The following DICER1 variants were observed in gnomAD, a reference collection of about 807,000 sequenced individuals.
DICER1 encodes the protein endoribonuclease Dicer.
A neutral mutation model predicts 194.1 loss-of-function variants in DICER1; 43 were observed. The ratio of observed to expected loss-of-function variants is 0.22; its 90% confidence interval spans 0.17 to 0.29. The LOEUF (loss-of-function observed/expected upper bound fraction) is 0.29, where lower values mean the gene tolerates loss of function less well. Ranked by LOEUF, DICER1 falls within the 10% of genes least tolerant of loss-of-function variation. The pLI, the probability that DICER1 is intolerant of heterozygous loss-of-function variation, is 1.00. For missense variants in DICER1, 1,608 were observed against 2,317.0 expected, an observed-to-expected ratio of 0.69 and a Z score of 6.28; for synonymous variants, 832 against 820.5, an observed-to-expected ratio of 1.01 and a Z score of -0.24.
In DICER1 at chr14:95,088,861, C is replaced by G. The variant is rs1039792469; in HGVS notation, c.*1637G>C. The G allele has an allele frequency of 8.6e-6, 2 of 233,364 alleles. No homozygotes were observed. Among genetic ancestry groups the G allele is most frequent in the African/African-American group, 4.4e-5 (2 of 45,278 alleles). The allele number at this position is 233,364 out of a possible 1,614,324, so 14.5% of individuals were successfully genotyped here. On this transcript the variant is annotated 3_prime_UTR_variant, in exon 27 of 27. Coordinates refer to ENST00000343455, the MANE Select transcript of DICER1 (RefSeq NM_177438.3). ...AAATGTCACTTACATATAAATGCAG[C>G]ATTCCACGAAGCATCAAGTTCAGAA...
In DICER1 at chr14:95,117,758, A is replaced by C. The variant is rs192490028; in HGVS notation, c.1377-4T>G. On this transcript the variant is annotated splice_polypyrimidine_tract_variant and splice_region_variant and intron_variant, in intron 8 of 26. Coordinates refer to ENST00000343455, the MANE Select transcript of DICER1 (RefSeq NM_177438.3). ...TTTGCCAGCTTCCTTTATCAATCTA[A>C]GAAAATTATACACATTTGGAAGTTA... 5,297 of 1,613,702 alleles carry C rather than the reference A, an allele frequency of 3.3e-3. 21 individuals carry two copies. Among genetic ancestry groups the C allele is most frequent in the Middle Eastern group, 0.016 (98 of 6,060 alleles).
At chr14:95,113,743 G>A (rs185577361) in intron 11 of DICER1, among the ~76,000 whole-genome samples, 64 of 152,328 alleles carry the variant, frequency 4.2e-4, no homozygotes, top group African/African-American at 1.4e-3. Flanking sequence ...AACAGCACCA[G>A]GGAAGGTTGG....
At chr14:95,102,129 C>CTTTTA (rs1566764752) in intron 21 of DICER1, among the ~76,000 whole-genome samples, 3 of 152,042 alleles carry the variant, frequency 2.0e-5, no homozygotes, top group African/African-American at 7.2e-5. Flanking sequence ...TGTGCGTATA[C>CTTTTA]GGTTATCTTT....
At chr14:95,128,401 G>A (rs114208636) in intron 6 of DICER1, among the ~76,000 whole-genome samples, 1,965 of 152,170 alleles carry the variant, frequency 0.013, 34 homozygotes, top group African/African-American at 0.045. Context: ...GCACAAGCAC[G>A]GCCTTCTACT....
intron 1 of DICER1, among the ~76,000 whole-genome samples, chr14:95,156,495 C>T (rs1315540015): frequency 6.6e-6 from 1 of 152,242 alleles, no homozygotes; most frequent in Admixed American, 6.5e-5. Flanking sequence ...GGTTTGCTGG[C>T]TCTGACCTCC....
At chr14:95,141,084 G>GA (rs1049889333) in intron 1 of DICER1, 1 of 151,920 alleles carries the variant, frequency 6.6e-6, no homozygotes, top group Non-Finnish European at 1.5e-5. Context: ...ATAGAAAAAT[G>GA]AAAAAAATAG....
At chr14:95,090,991 T>C (rs373128565) in intron 26 of DICER1, 43 bp downstream of exon 26, 3 of 1,533,150 alleles carry the variant, frequency 2.0e-6, no homozygotes, top group Non-Finnish European at 1.8e-6. Flanking sequence ...TCCCCTTTGA[T>C]GTTTTTAAGT....
At position 95,090,661 on chromosome 14, in the gene DICER1, G is replaced by A. The variant is rs1459884777; in HGVS notation, c.5606C>T (p.Pro1869Leu). The change falls in exon 27 of 27, where the codon CCG becomes CTG. Residue 1869 changes from proline to leucine, a missense_variant and splice_region_variant. Coordinates refer to ENST00000343455, the MANE Select transcript of DICER1 (RefSeq NM_177438.3). ...EMEPETAKFS[P>L]AERTYDGKVR... ...CTTCCCGTCGTAAGTTCTCTCAGCC[G>A]GGCTGTAAAAAATCCAAACAGCTTG... 6 of 1,613,966 alleles carry A rather than the reference G, an allele frequency of 3.7e-6. No individual in the cohort carries two copies. The highest frequency in any genetic ancestry group is 3.3e-5 in the Admixed American group (2 of 60,018).
intron 1 of DICER1, among the ~76,000 whole-genome samples, chr14:95,142,475 T>C (rs1019964719): frequency 6.6e-5 from 10 of 152,288 alleles, no homozygotes; most frequent in Middle Eastern, 6.8e-3. Flanking sequence ...GATTTCCAAT[T>C]CAGACTCACC....
intron 23 of DICER1, 60 bp downstream of exon 23, chr14:95,095,765 G>T: frequency 1.3e-6 from 2 of 1,570,798 alleles, no homozygotes; most frequent in Non-Finnish European, 8.7e-7. Flanking sequence ...AGGCCAACAC[G>T]ATGAGATCAA....
intron 8 of DICER1, among the ~76,000 whole-genome samples, chr14:95,120,005 G>A (rs1892803864): frequency 6.6e-6 from 1 of 152,040 alleles, no homozygotes; most frequent in Non-Finnish European, 1.5e-5. Flanking sequence ...ACCAAAAATA[G>A]GAAATATGTA....
chr14:95,146,947 G>C (rs889678060), intron 1 of DICER1, among the ~76,000 whole-genome samples: 7 of 152,070 alleles, frequency 4.6e-5, no homozygotes, highest in African/African-American at 1.7e-4. Flanking sequence ...AAGTGAGAAA[G>C]GATAAGAAGG....
intron 1 of DICER1, among the ~76,000 whole-genome samples, chr14:95,135,566 T>C (rs560486308): frequency 2.0e-5 from 3 of 152,228 alleles, no homozygotes; most frequent in Admixed American, 2.0e-4. Flanking sequence ...GGGGAGGGTA[T>C]TCTTCAAAAA....
chr14:95,132,360 T>C (rs969206218), intron 3 of DICER1, among the ~76,000 whole-genome samples, 155 bp downstream of exon 3: 2 of 152,040 alleles, frequency 1.3e-5, no homozygotes, highest in African/African-American at 2.4e-5. Context: ...CAAAAAGAAA[T>C]AGGACAAAAC....
chr14:95,132,788 C>A, intron 2 of DICER1, 111 bp from the exon 3 acceptor site: 1 of 1,091,262 alleles, frequency 9.2e-7, no homozygotes, highest in Non-Finnish European at 1.3e-6. Flanking sequence ...AATCGTCCTC[C>A]AATAAATTTA....
intron 1 of DICER1, among the ~76,000 whole-genome samples, chr14:95,145,387 T>C (rs1219039042): frequency 6.6e-6 from 1 of 152,242 alleles, no homozygotes; most frequent in Non-Finnish European, 1.5e-5. Flanking sequence ...TATTCACTAG[T>C]TCTCTTGAAA....
rs779386651 is a variant in DICER1 at position 95,099,760 on chromosome 14, ACACACAC to A, written c.4206+13_4206+19del. 61 of 1,589,666 alleles carry A rather than the reference ACACACAC, an allele frequency of 3.8e-5. No homozygotes were observed. The African/African-American group carries it at 8.1e-4, about 21-fold the overall frequency. On this transcript the variant is annotated intron_variant, in intron 22 of 26. Transcript: ENST00000343455. ...CACACACACACACACACACACACACACACACACACACAAACTTACCATTTCATCTTTT... is the reference window on the plus strand; with the variant it reads ...CACACACACACACACACACACACACAACACAAACTTACCATTTCATCTTTT...
At chr14:95,114,379 A>G (rs1292707040) in intron 11 of DICER1, among the ~76,000 whole-genome samples, 2 of 152,240 alleles carry the variant, frequency 1.3e-5, no homozygotes, top group African/African-American at 4.8e-5. Context: ...AATGATAATG[A>G]TAGATTATAA....
chr14:95,131,016 A>G (rs1893903298), intron 4 of DICER1, among the ~76,000 whole-genome samples: 1 of 152,192 alleles, frequency 6.6e-6, no homozygotes, highest in Non-Finnish European at 1.5e-5. Flanking sequence ...AGCAATAAAA[A>G]TTAGTAATTT....
Sources: allele counts gnomAD v4.1 joint callset (sites outside exome capture counted in the v4.1 genomes callset), GRCh38; gene constraint gnomAD v4.1.1; transcripts MANE v1.5; gene names NCBI Gene and HGNC (gene_info 2026-07-23, HGNC 2026-07-21).